The following CA12 variants were observed in gnomAD, a reference collection of about 807,000 sequenced individuals.
CA12 encodes the protein carbonate dehydratase XII.
A neutral mutation model predicts 46.8 loss-of-function variants in CA12; 36 were observed. The ratio of observed to expected loss-of-function variants is 0.77; its 90% CI spans 0.59 to 1.02. CA12 has a LOEUF of 1.02. Ranked by LOEUF, CA12 falls within the 50% of genes least tolerant of loss-of-function variation. CA12 has a pLI of 0.00. For missense variants in CA12, 436 were observed against 451.4 expected (o/e 0.97, Z 0.31); for synonymous variants, 202 against 187.0 (o/e 1.08, Z -0.65).
intron 7 of CA12, 27 bp from the exon 8 acceptor site, chr15:63,338,972 C>G: frequency 6.2e-7 from 1 of 1,613,958 alleles, no homozygotes; most frequent in Middle Eastern, 1.6e-4. Context: ...AAATAGCCCG[C>G]AGGCAGAATG....
chr15:63,377,723 A>G (rs2039595216), intron 1 of CA12, among the ~76,000 whole-genome samples: 1 of 152,216 alleles, frequency 6.6e-6, no homozygotes, highest in Non-Finnish European at 1.5e-5. Flanking sequence ...GGATCTTTTT[A>G]AAATGATTCT....
Position 63,345,694 on chromosome 15 carries a change from G to C in CA12, c.287-75C>G. On this transcript the variant is annotated intron_variant, in intron 3 of 10. Transcript: ENST00000178638. This position sits in a 1 kb window ranked among gnomAD's most constrained non-coding sequence, Gnocchi z 4.3. ...GCCAGAGAGCAGTCAGGTAGGCAATGCTCCCTCCACCCCTGCTGCCACCCC... is the reference window on the plus strand; with the variant it reads ...GCCAGAGAGCAGTCAGGTAGGCAATCCTCCCTCCACCCCTGCTGCCACCCC... 6.5e-7 allele frequency: 1 copy of C among 1,541,330 alleles called. No individual in the cohort carries two copies. The highest frequency in any genetic ancestry group is 8.7e-7 in the Non-Finnish European group (1 of 1,144,488).
chr15:63,339,889 T>G lies in CA12; in HGVS notation c.747+399A>C, dbSNP rs28360834. ...CCCAGTTTGCACTAGACCTTGAGCT[T>G]CTTGGGGGCAGGGACCCTCACTTAG... On this transcript the variant is annotated intron_variant, in intron 7 of 10. Transcript: ENST00000178638. This position sits in a 1 kb window ranked among gnomAD's most constrained non-coding sequence, Gnocchi z 4.3. 4,364 of 316,828 alleles carry G rather than the reference T, an allele frequency of 0.014. 180 individuals are homozygous for G. Among genetic ancestry groups the G allele is most frequent in the African/African-American group, 0.088 (4,068 of 46,022 alleles). The allele number at this position is 316,828 out of a possible 1,614,324, so 19.6% of individuals were successfully genotyped here.
Position 63,340,022 on chromosome 15 carries a change from C to A in CA12, c.747+266G>T, listed in dbSNP as rs2039055971. The A allele has an allele frequency of 4.2e-6, 2 of 474,252 alleles. No homozygotes were observed. The highest frequency in any genetic ancestry group is 7.7e-6 in the Non-Finnish European group (2 of 259,396). The allele number at this position is 474,252 out of a possible 1,614,324, so 29.4% of individuals were successfully genotyped here. A position where few individuals can be genotyped will look rare whatever the true frequency, so the allele number is the denominator to read the frequency against. On this transcript the variant is annotated intron_variant, in intron 7 of 10. Transcript: ENST00000178638. The surrounding 1 kb of genome is among the most constrained non-coding windows in gnomAD (Gnocchi z 4.4). ...GCCTGGGAAGTGAATACCACCCAGC[C>A]ACTGAGGATATATTAGCAAATGCAG...
Position 63,381,787 on chromosome 15 carries a change from G to C in CA12, c.-67C>G. On this transcript the variant is annotated 5_prime_UTR_variant, in exon 1 of 11. Transcript: ENST00000178638. ...GCTCCCGGTGGCCGCTCGCTCTCCA[G>C]CTGCACACCGGGACCGCGTGCGCGC... 8.9e-7 allele frequency: 1 copy of C among 1,126,122 alleles called. No individual in the cohort carries two copies. The highest frequency in any genetic ancestry group is 1.2e-6 in the Non-Finnish European group (1 of 825,212). The allele number at this position is 1,126,122 out of a possible 1,614,324, so 69.8% of individuals were successfully genotyped here. A position where few individuals can be genotyped will look rare whatever the true frequency, so the allele number is the denominator to read the frequency against.
rs575141475 is a variant in CA12 at position 63,359,989 on chromosome 15, C to T, written c.107-13280G>A. Among the ~76,000 whole-genome samples the T allele has an allele frequency of 1.8e-4, 28 of 152,348 alleles. No homozygotes were observed. In the South Asian group the frequency reaches 3.1e-3, roughly 17 times the overall value. ...ATGTAGCACACAAGACCTTCACAATCCCACTCACTTCTCCAGGCTTTGCTT... is the reference window on the plus strand; with the variant it reads ...ATGTAGCACACAAGACCTTCACAATTCCACTCACTTCTCCAGGCTTTGCTT... On this transcript the variant is annotated intron_variant, in intron 2 of 10. Transcript: ENST00000178638.
chr15:63,364,332 G>GGAAA (rs777342866), intron 2 of CA12, among the ~76,000 whole-genome samples: 2 of 56,138 alleles, frequency 3.6e-5, no homozygotes, highest in Non-Finnish European at 6.0e-5. Flanking sequence ...CCCGTCACTA[G>GGAAA]AAAAAAAAAA....
chr15:63,338,966 A>G (rs201496755), intron 7 of CA12, 21 bp from the exon 8 acceptor site: 34 of 1,613,958 alleles, frequency 2.1e-5, no homozygotes, highest in African/African-American at 2.7e-5. Flanking sequence ...GAGCAGAAAT[A>G]GCCCGCAGGC....
chr15:63,353,566 T>C (rs2039260240), intron 2 of CA12, among the ~76,000 whole-genome samples: 1 of 152,124 alleles, frequency 6.6e-6, no homozygotes, highest in Admixed American at 6.5e-5. Context: ...TACCTGCCTC[T>C]CTCTGGGGGT....
chr15:63,363,019 G>A (rs190416500), intron 2 of CA12, among the ~76,000 whole-genome samples: 1 of 152,314 alleles, frequency 6.6e-6, no homozygotes, highest in Admixed American at 6.5e-5. Flanking sequence ...GGAAGTGGCA[G>A]TACCTATCTC....
intron 4 of CA12, among the ~76,000 whole-genome samples, chr15:63,344,623 T>C (rs1333137720): frequency 6.6e-6 from 1 of 152,172 alleles, no homozygotes; most frequent in Non-Finnish European, 1.5e-5. Flanking sequence ...GTCTGAAACA[T>C]TAAGCAGTTC....
At position 63,355,255 on chromosome 15, in the gene CA12, G is replaced by A. The variant is rs2039280192; in HGVS notation, c.107-8546C>T. On this transcript the variant is annotated intron_variant, in intron 2 of 10. Transcript: ENST00000178638. This position sits in a 1 kb window ranked among gnomAD's most constrained non-coding sequence, Gnocchi z 4.1. ...CATCTCCCTGAAACACCCTCCCCTC[G>A]CTGGGGCAGGGCAAAGGGTTTCCCC... Among the ~76,000 whole-genome samples the A allele has an allele frequency of 6.6e-6, 1 of 152,068 alleles. No individual in the cohort carries two copies. Among genetic ancestry groups the A allele is most frequent in the African/African-American group, 2.4e-5 (1 of 41,390 alleles).
chr15:63,375,549 C>T lies in CA12; in HGVS notation c.106+109G>A, dbSNP rs930065074. 23 of 741,474 alleles carry T rather than the reference C, an allele frequency of 3.1e-5. No individual in the cohort carries two copies. The African/African-American group carries it at 3.4e-4, about 11-fold the overall frequency. 45.9% of individuals were successfully genotyped at this position (741,474 alleles called of 1,614,324 possible). ...TTTCTACAATACAAGAACTGTGCTT[C>T]CGACCCTTCAAAATCACCTCCACAG... On this transcript the variant is annotated intron_variant, in intron 2 of 10. Coordinates refer to ENST00000178638, the MANE Select transcript of CA12 (RefSeq NM_001218.5).
At chr15:63,381,289 C>G (rs1567058630) in intron 1 of CA12, among the ~76,000 whole-genome samples, 1 of 152,204 alleles carries the variant, frequency 6.6e-6, no homozygotes, top group Non-Finnish European at 1.5e-5. Context: ...ACAGTCATGT[C>G]TCTACTTTCT....
intron 2 of CA12, among the ~76,000 whole-genome samples, chr15:63,353,737 G>A (rs1475023380): frequency 6.6e-6 from 1 of 152,090 alleles, no homozygotes; most frequent in Non-Finnish European, 1.5e-5. Context: ...TAAAGAGATG[G>A]GGTCTTGCTA....
intron 4 of CA12, among the ~76,000 whole-genome samples, chr15:63,344,802 C>A (rs1488016878): frequency 2.0e-5 from 3 of 152,136 alleles, no homozygotes; most frequent in African/African-American, 7.2e-5. Flanking sequence ...CCTTGCCCCA[C>A]CCCATCCTGC....
intron 2 of CA12, among the ~76,000 whole-genome samples, chr15:63,364,293 A>C (rs1361994602): frequency 7.8e-6 from 1 of 128,490 alleles, no homozygotes; most frequent in Non-Finnish European, 1.6e-5. Flanking sequence ...TTTGAGACCC[A>C]CCTGGGCAAC....
chr15:63,356,922 G>A (rs2039302535), intron 2 of CA12, among the ~76,000 whole-genome samples: 1 of 152,108 alleles, frequency 6.6e-6, no homozygotes, highest in Non-Finnish European at 1.5e-5. Flanking sequence ...GTCAAAAGGT[G>A]GAAATAAGTC....
At chr15:63,334,242 CTTTTTTTTTTT>C (rs71131163) in intron 8 of CA12, among the ~76,000 whole-genome samples, 1,714 of 64,886 alleles carry the variant, frequency 0.026, 34 homozygotes, top group African/African-American at 0.069. Flanking sequence ...GGAAGAGGCA[CTTTTTTTTTTT>C]TTTTTTTTTT....
Sources: allele counts gnomAD v4.1 joint callset (sites outside exome capture counted in the v4.1 genomes callset), GRCh38; gene constraint gnomAD v4.1.1; non-coding constraint Gnocchi (gnomAD v3.1); transcripts MANE v1.5; gene names NCBI Gene and HGNC (gene_info 2026-07-23, HGNC 2026-07-21).